The following PRPF6 variants were observed in gnomAD, a reference collection of about 807,000 sequenced individuals.
PRPF6 encodes pre-mRNA-processing factor 6.
PRPF6 carries 42 observed loss-of-function variants against 118.3 expected under a neutral mutation model. The ratio of observed to expected loss-of-function variants is 0.35; its 90% CI spans 0.28 to 0.46. PRPF6 has a LOEUF of 0.46. Ranked by LOEUF, PRPF6 falls within the 20% of genes least tolerant of loss-of-function variation. The pLI is 1.00. For synonymous variants in PRPF6, 481 were observed against 485.1 expected (o/e 0.99, Z 0.11); for missense variants, 662 against 1,255.7 (o/e 0.53, Z 7.15).
At chr20:64,018,722 C>T (rs1485944251) in intron 12 of PRPF6, among the ~76,000 whole-genome samples, 1 of 151,908 alleles carries the variant, frequency 6.6e-6, no homozygotes, top group Non-Finnish European at 1.5e-5. Flanking sequence ...CTCAGCCTCC[C>T]AAAGTATGTA....
chr20:64,031,884 C>G (rs778402501), intron 19 of PRPF6, 34 bp from the exon 20 acceptor site: 2 of 1,613,904 alleles, frequency 1.2e-6, no homozygotes, highest in Non-Finnish European at 1.7e-6. Context: ...CCTGCAGCCA[C>G]TCACTCTGGG....
rs1367981211 is a variant in PRPF6 at position 63,984,937 on chromosome 20, A to G, written c.271A>G (p.Ser91Gly). The G allele has an allele frequency of 1.1e-5, 18 of 1,613,740 alleles. No homozygotes were observed. The highest frequency in any genetic ancestry group is 5.1e-6 in the Non-Finnish European group (6 of 1,179,812). ...FNGYAGSLFS[S>G]GPYEKDDEEA... Reference sequence around the variant, plus strand: ...TGGCTATGCTGGGAGCCTCTTCTCAAGTGGACCCTACGAGAAAGATGATGA... The same window carrying G: ...TGGCTATGCTGGGAGCCTCTTCTCAGGTGGACCCTACGAGAAAGATGATGA... The change falls in exon 3 of 21, where the codon AGT (serine) becomes GGT (glycine). Residue 91 changes from serine to glycine, a missense_variant. This residue lies in a region of PRPF6 where 20 missense variants were observed against 69.4 expected (regional missense o/e 0.29). Coordinates refer to ENST00000266079, the MANE Select transcript of PRPF6 (RefSeq NM_012469.4).
intron 3 of PRPF6, among the ~76,000 whole-genome samples, chr20:63,988,546 G>T (rs1358789658): frequency 6.6e-6 from 1 of 151,892 alleles, no homozygotes; most frequent in Non-Finnish European, 1.5e-5. Context: ...CAGATTCAAT[G>T]CAATCCGTAT....
At chr20:64,017,014 C>T (rs2059241435) in intron 12 of PRPF6, among the ~76,000 whole-genome samples, 169 bp downstream of exon 12, 1 of 152,014 alleles carries the variant, frequency 6.6e-6, no homozygotes, top group Non-Finnish European at 1.5e-5. Context: ...GCTATCTCAG[C>T]TCACTACAAC....
At chr20:64,021,606 CATGTCT>C (rs2059264684) in intron 12 of PRPF6, among the ~76,000 whole-genome samples, 1 of 131,092 alleles carries the variant, frequency 7.6e-6, no homozygotes, top group African/African-American at 3.0e-5. Flanking sequence ...GCCACAGCCC[CATGTCT>C]GTGTGTGCGT....
chr20:63,983,142 T>C lies in PRPF6; in HGVS notation c.167T>C (p.Val56Ala), dbSNP rs770320726. ...DRHAPPGKRTVGDQMKKNQAA... is the reference protein window; with the variant it reads ...DRHAPPGKRTAGDQMKKNQAA... ...CATGCACCCCCAGGCAAGAGAACCG[T>C]TGGGGACCAGATGAAGAAAAATCAG... is the stretch of plus-strand genomic sequence containing the variant. The change falls in exon 2 of 21, where the codon GTT (valine) becomes GCT (alanine). Residue 56 changes from valine (V) to alanine (A), a missense_variant. Around this residue, in one of 10 missense-constraint regions of PRPF6, gnomAD observed 21 missense variants for 45.5 expected, o/e 0.46. Coordinates refer to ENST00000266079, the MANE Select transcript of PRPF6 (RefSeq NM_012469.4). 4.3e-6 allele frequency: 7 copies of C among 1,614,148 alleles called. No individual in the cohort carries two copies. The highest frequency in any genetic ancestry group is 3.3e-4 in the Middle Eastern group (2 of 6,062).
At chr20:63,986,867 T>C (rs966496952) in intron 3 of PRPF6, among the ~76,000 whole-genome samples, 3 of 151,244 alleles carry the variant, frequency 2.0e-5, no homozygotes, top group African/African-American at 7.3e-5. Context: ...AAAAACTGCA[T>C]ATAGAAGAAA....
chr20:63,982,413 A>C (rs901871174), intron 1 of PRPF6, among the ~76,000 whole-genome samples: 1 of 151,202 alleles, frequency 6.6e-6, no homozygotes, highest in African/African-American at 2.4e-5. Context: ...CTCATGATCC[A>C]CCCGCCTCCG....
chr20:64,002,803 C>T (rs1260694715), intron 9 of PRPF6, among the ~76,000 whole-genome samples: 1 of 151,888 alleles, frequency 6.6e-6, no homozygotes, highest in East Asian at 1.9e-4. Flanking sequence ...GCCACCACGC[C>T]TGCTTAATTT....
chr20:63,981,983 A>G (rs994487033), intron 1 of PRPF6, among the ~76,000 whole-genome samples: 7 of 152,008 alleles, frequency 4.6e-5, no homozygotes, highest in Non-Finnish European at 8.8e-5. Flanking sequence ...ACGATAGAAG[A>G]GAAACTGACA....
intron 3 of PRPF6, among the ~76,000 whole-genome samples, chr20:63,991,172 C>A (rs1321901159): frequency 6.6e-6 from 1 of 151,848 alleles, no homozygotes; most frequent in African/African-American, 2.4e-5. Flanking sequence ...ATGTGTAATC[C>A]TAGTACCTTG....
Position 63,981,193 on chromosome 20 carries a change from C to A in PRPF6, c.-53C>A. 6.5e-7 allele frequency: 1 copy of A among 1,546,252 alleles called. No homozygotes were observed. Among genetic ancestry groups the A allele is most frequent in the South Asian group, 1.2e-5 (1 of 85,168 alleles). ...GAAGCCTAGAGTCTCTGCGTCTTTC[C>A]CTCTTCCGCTGCCTCATTCCTTTCC... On this transcript the variant is annotated 5_prime_UTR_variant, in exon 1 of 21. Coordinates refer to ENST00000266079, the MANE Select transcript of PRPF6 (RefSeq NM_012469.4).
intron 6 of PRPF6, among the ~76,000 whole-genome samples, chr20:63,998,714 C>A (rs1241101210): frequency 6.7e-6 from 1 of 148,968 alleles, no homozygotes; most frequent in African/African-American, 2.5e-5. Flanking sequence ...TGGTGGCGGG[C>A]GCCTGTAGTC....
intron 9 of PRPF6, among the ~76,000 whole-genome samples, chr20:64,002,776 T>G (rs1366600583): frequency 6.6e-6 from 1 of 151,712 alleles, no homozygotes; most frequent in Non-Finnish European, 1.5e-5. Flanking sequence ...TCTGAGGAGC[T>G]GGGACTACAG....
At chr20:63,996,895 C>T (rs950025481) in intron 6 of PRPF6, among the ~76,000 whole-genome samples, 12 of 152,246 alleles carry the variant, frequency 7.9e-5, no homozygotes, top group Admixed American at 5.9e-4. Flanking sequence ...CGCCTCTGCA[C>T]ACCAGCCTGG....
rs572311460 is a variant in PRPF6, at chr20:64,017,977, C to T, written c.1647+1132C>T. Among the ~76,000 whole-genome samples, 3 of 152,304 alleles carry T rather than the reference C, an allele frequency of 2.0e-5. No individual in the cohort carries two copies. The East Asian group carries it at 5.8e-4, about 29-fold the overall frequency. On this transcript the variant is annotated intron_variant, in intron 12 of 20. Coordinates refer to ENST00000266079, the MANE Select transcript of PRPF6 (RefSeq NM_012469.4). ...CAGCACTTTGGGAGGCCGAGATGGG[C>T]AGATCGCTTGAGCTCGGGAGTTTGA...
intron 12 of PRPF6, among the ~76,000 whole-genome samples, chr20:64,021,583 T>C (rs1369262826): frequency 6.8e-6 from 1 of 148,092 alleles, no homozygotes; most frequent in African/African-American, 2.5e-5. Context: ...TGTGCACATA[T>C]GCATATGCCT....
intron 12 of PRPF6, among the ~76,000 whole-genome samples, chr20:64,022,510 G>GT (rs1191668570): frequency 6.6e-6 from 1 of 152,192 alleles, no homozygotes; most frequent in East Asian, 1.9e-4. Context: ...TTTTCACTAT[G>GT]TAAGTTAGGC....
At chr20:64,018,460 C>T (rs796449181) in intron 12 of PRPF6, among the ~76,000 whole-genome samples, 29 of 152,124 alleles carry the variant, frequency 1.9e-4, no homozygotes, top group African/African-American at 6.5e-4. Flanking sequence ...TGTTCAACTC[C>T]GACCGTCTGG....
Sources: gnomAD v4.1 joint callset for allele counts (sites outside exome capture counted in the v4.1 genomes callset) on GRCh38, gnomAD v4.1.1 for gene constraint, gnomAD v4.1.1 regional missense constraint, MANE v1.5 for transcripts, NCBI Gene and HGNC (gene_info 2026-07-23, HGNC 2026-07-21) for gene names.